The following SPATA18 variants were observed in gnomAD, a reference collection of about 807,000 sequenced individuals.
SPATA18 encodes the protein mitochondria-eating protein.
SPATA18 carries 54 observed loss-of-function variants against 68.1 expected under a neutral mutation model. The observed-to-expected ratio is 0.79, with a 90% CI of 0.64 to 0.99. The LOEUF is 0.99. SPATA18 is among the 50% of genes least tolerant of loss of function. SPATA18 has a pLI of 0.00. For synonymous variants in SPATA18, 242 were observed against 244.8 expected (o/e 0.99, Z 0.11); for missense variants, 724 against 681.1 (o/e 1.06, Z -0.70).
In SPATA18 at chr4:52,094,502, C is replaced by A; in HGVS notation, c.1564-25C>A. ...TTTGAGCTCCGTCTACTATGTAATT[C>A]ACATTATTCTTTTATATTTTCCAGA... On this transcript the variant is annotated intron_variant, in intron 11 of 12. Transcript: ENST00000295213. The A allele has an allele frequency of 2.5e-6, 4 of 1,608,704 alleles. No homozygotes were observed. The South Asian group carries it at 4.4e-5, about 18-fold the overall frequency.
intron 7 of SPATA18, among the ~76,000 whole-genome samples, 157 bp downstream of exon 7, chr4:52,077,197 C>T (rs1740454609): frequency 6.6e-6 from 1 of 151,578 alleles, no homozygotes; most frequent in Admixed American, 6.6e-5. Flanking sequence ...CTCTTTCTTC[C>T]TCCTTCCCTT....
Position 52,084,850 on chromosome 4 carries a change from G to C in SPATA18, c.1480-66G>C, listed in dbSNP as rs1367532350. ...TCTTATTCTGTGGGATATGCATGTT[G>C]TTTTGAGCCATGACAGTTTTCACAA... On this transcript the variant is annotated intron_variant, in intron 10 of 12. Coordinates refer to ENST00000295213, the MANE Select transcript of SPATA18 (RefSeq NM_145263.4). The C allele has an allele frequency of 3.4e-6, 5 of 1,491,420 alleles. No homozygotes were observed. In the African/African-American group the frequency reaches 6.9e-5, roughly 21 times the overall value. 92.4% of individuals were successfully genotyped at this position (1,491,420 alleles called of 1,614,324 possible).
intron 11 of SPATA18, among the ~76,000 whole-genome samples, chr4:52,088,515 A>T (rs1164926726): frequency 6.7e-6 from 1 of 150,334 alleles, no homozygotes; most frequent in African/African-American, 2.4e-5. Flanking sequence ...AATTTATTGA[A>T]TTTTTCTGCA....
At chr4:52,086,578 C>T (rs1188319178) in intron 11 of SPATA18, among the ~76,000 whole-genome samples, 3 of 152,190 alleles carry the variant, frequency 2.0e-5, no homozygotes, top group African/African-American at 4.8e-5. Context: ...ATCAATGTCC[C>T]TGCAAAGGAC....
At chr4:52,060,015 G>A (rs149383820) in intron 1 of SPATA18, among the ~76,000 whole-genome samples, 1 of 152,314 alleles carries the variant, frequency 6.6e-6, no homozygotes, top group Non-Finnish European at 1.5e-5. Context: ...TGACAATTCA[G>A]TGCAAGCATT....
At chr4:52,069,003 A>G (rs557113340) in intron 4 of SPATA18, among the ~76,000 whole-genome samples, 2 of 152,222 alleles carry the variant, frequency 1.3e-5, no homozygotes, top group South Asian at 2.1e-4. Context: ...AGCTGAGACT[A>G]CAGGCACACA....
chr4:52,078,836 T>G lies in SPATA18; in HGVS notation c.1122T>G (p.Ala374=), dbSNP rs140789350. The G allele has an allele frequency of 1.2e-6, 2 of 1,607,638 alleles. No homozygotes were observed. Among genetic ancestry groups the G allele is most frequent in the South Asian group, 2.2e-5 (2 of 90,662 alleles). Residue 374 remains alanine, a synonymous_variant, in exon 8 of 13, where the codon GCT becomes GCG. Transcript: ENST00000295213. ...SYVGSNDFEN[A]VLDYVICHLD... is the part of the protein sequence containing the mutation. Reference sequence around the variant, plus strand: ...TGGGGTCGAATGACTTTGAGAATGCTGTCTTGGATTATGTCATTTGTCATC... The same window carrying G: ...TGGGGTCGAATGACTTTGAGAATGCGGTCTTGGATTATGTCATTTGTCATC...
rs775053436 is a variant in SPATA18 at position 52,060,940 on chromosome 4, G to A, written c.309+43G>A. 2.9e-5 allele frequency: 44 copies of A among 1,513,058 alleles called. No homozygotes were observed. The South Asian group carries it at 4.9e-4, about 17-fold the overall frequency. 93.7% of individuals were successfully genotyped at this position (1,513,058 alleles called of 1,614,324 possible). A position where few individuals can be genotyped will look rare whatever the true frequency, so the allele number is the denominator to read the frequency against. On this transcript the variant is annotated intron_variant, in intron 3 of 12. Transcript: ENST00000295213. ...TAACCCTTGACTTTCTGAACAGTGA[G>A]ATAAAACGAATCAGAAACCTCCAAG...
intron 8 of SPATA18, 54 bp from the exon 9 acceptor site, chr4:52,079,690 A>G (rs1394209697): frequency 1.3e-6 from 2 of 1,582,824 alleles, no homozygotes; most frequent in Non-Finnish European, 1.7e-6. Flanking sequence ...TTAGGATGTC[A>G]GAGTGTTTTT....
chr4:52,065,095 G>T (rs1166604350), intron 4 of SPATA18, among the ~76,000 whole-genome samples: 1 of 151,818 alleles, frequency 6.6e-6, no homozygotes. Flanking sequence ...GTCCATTCAT[G>T]TCCTTTGCCC....
rs1739921995 is a variant in SPATA18, at chr4:52,072,211, G to A, written c.758+55G>A. 17 of 1,583,690 alleles carry A rather than the reference G, an allele frequency of 1.1e-5. No homozygotes were observed. The East Asian group carries it at 3.8e-4, about 35-fold the overall frequency. The stretch of plus-strand genomic sequence containing the variant: ...TTAGGCTCTTTTTGCTGAGTTAAGG[G>A]ATCGGGGAGGAGGAAATAAGTAAAA... On this transcript the variant is annotated intron_variant, in intron 6 of 12. Transcript: ENST00000295213.
chr4:52,069,189 A>G (rs189109045), intron 4 of SPATA18, among the ~76,000 whole-genome samples: 167 of 152,278 alleles, frequency 1.1e-3, no homozygotes, highest in African/African-American at 3.9e-3. Context: ...TTTAAACTAG[A>G]TAGACCTAAA....
At chr4:52,075,576 G>T (rs1740266228) in intron 6 of SPATA18, among the ~76,000 whole-genome samples, 6 of 152,186 alleles carry the variant, frequency 3.9e-5, no homozygotes. Flanking sequence ...GTGTATTTAT[G>T]CACATCCTCC....
Position 52,084,248 on chromosome 4 carries a change from C to T in SPATA18, c.1480-668C>T, listed in dbSNP as rs956744179. On this transcript the variant is annotated intron_variant, in intron 10 of 12. Coordinates refer to ENST00000295213, the MANE Select transcript of SPATA18 (RefSeq NM_145263.4). Reference sequence around the variant, plus strand: ...TATTCTTACGTTTTACATCAAATAGCCATTGCCTTTTAACTTCCTTCTTCT... The same window carrying T: ...TATTCTTACGTTTTACATCAAATAGTCATTGCCTTTTAACTTCCTTCTTCT... Among the ~76,000 whole-genome samples the T allele has an allele frequency of 1.3e-4, 20 of 152,132 alleles. 1 individual carries two copies. Among genetic ancestry groups the T allele is most frequent in the Admixed American group, 9.8e-4 (15 of 15,262 alleles).
At chr4:52,085,099 G>A in intron 11 of SPATA18, 100 bp downstream of exon 11, 1 of 875,450 alleles carries the variant, frequency 1.1e-6, no homozygotes, top group Non-Finnish European at 1.8e-6. Context: ...TAAGTCTACA[G>A]GTGGAAAGAG....
At chr4:52,084,721 A>G (rs1741265793) in intron 10 of SPATA18, among the ~76,000 whole-genome samples, 195 bp from the exon 11 acceptor site, 1 of 152,236 alleles carries the variant, frequency 6.6e-6, no homozygotes, top group Non-Finnish European at 1.5e-5. Context: ...ATATTTAAAA[A>G]GTACCTGAAG....
intron 4 of SPATA18, 28 bp downstream of exon 4, chr4:52,062,360 C>T (rs1404761521): frequency 2.1e-6 from 3 of 1,436,862 alleles, no homozygotes; most frequent in Non-Finnish European, 2.9e-6. Context: ...TATCTTTTTC[C>T]AAAAAGAATT....
At chr4:52,077,548 C>G (rs947985286) in intron 7 of SPATA18, among the ~76,000 whole-genome samples, 2 of 151,430 alleles carry the variant, frequency 1.3e-5, no homozygotes, top group African/African-American at 4.9e-5. Flanking sequence ...TTATATTGAC[C>G]AGGCATTTGT....
intron 11 of SPATA18, among the ~76,000 whole-genome samples, chr4:52,091,415 T>A (rs759644533): frequency 6.6e-6 from 1 of 152,208 alleles, no homozygotes; most frequent in South Asian, 2.1e-4. Context: ...TTTTTCCCCA[T>A]CTTTGTGGAA....
Sources: gnomAD v4.1 joint callset for allele counts (sites outside exome capture counted in the v4.1 genomes callset) on GRCh38, gnomAD v4.1.1 for gene constraint, MANE v1.5 for transcripts, NCBI Gene and HGNC (gene_info 2026-07-23, HGNC 2026-07-21) for gene names.